LCLAT1: variants seen among roughly 807,000 people sequenced by gnomAD.
The protein encoded by LCLAT1 is lysocardiolipin acyltransferase 1.
In LCLAT1, 11 loss-of-function variants were observed where a neutral mutation model predicts 30.7. The observed-to-expected ratio is 0.36, with a 90% confidence interval of 0.23 to 0.59. The LOEUF (loss-of-function observed/expected upper bound fraction) is 0.59, where lower values mean the gene tolerates loss of function less well. LCLAT1 is among the 20% of genes least tolerant of loss of function. The pLI is 0.77. For missense variants in LCLAT1, 402 were observed against 458.6 expected (o/e 0.88, Z 1.13); for synonymous variants, 155 against 151.3 (o/e 1.02, Z -0.18).
At chr2:30,577,314 C>T (rs1032179578) in intron 5 of LCLAT1, among the ~76,000 whole-genome samples, 1 of 151,870 alleles carries the variant, frequency 6.6e-6, no homozygotes, top group African/African-American at 2.4e-5. Flanking sequence ...AGCAGCCTTC[C>T]CCTAATGAAG....
At chr2:30,558,735 T>C (rs186415872) in intron 3 of LCLAT1, among the ~76,000 whole-genome samples, 45 of 151,674 alleles carry the variant, frequency 3.0e-4, no homozygotes, top group African/African-American at 1.1e-3. Flanking sequence ...GATAGAGCAA[T>C]CTGAACGATC....
intron 3 of LCLAT1, among the ~76,000 whole-genome samples, chr2:30,542,838 A>G (rs1223875891): frequency 3.9e-5 from 6 of 152,090 alleles, no homozygotes; most frequent in Admixed American, 6.5e-5. Flanking sequence ...GTATCCTGCA[A>G]CTTTTCAAAA....
intron 1 of LCLAT1, among the ~76,000 whole-genome samples, chr2:30,450,682 C>T (rs749083005): frequency 6.6e-6 from 1 of 152,148 alleles, no homozygotes; most frequent in Non-Finnish European, 1.5e-5. Context: ...CAGTGCAAAT[C>T]GACTACAAGG....
At chr2:30,567,945 G>T in intron 4 of LCLAT1, 115 bp from the exon 5 acceptor site, 1 of 599,872 alleles carries the variant, frequency 1.7e-6, no homozygotes, top group Admixed American at 3.1e-5. Flanking sequence ...TCAGTATTCA[G>T]TAATTAGAGA....
intron 5 of LCLAT1, among the ~76,000 whole-genome samples, chr2:30,614,904 AAG>A (rs1667920374): frequency 6.6e-6 from 1 of 152,152 alleles, no homozygotes; most frequent in Non-Finnish European, 1.5e-5. Context: ...GGGAAAAGCC[AAG>A]AGAGTAAGGT....
At position 30,541,198 on chromosome 2, in the gene LCLAT1, A is replaced by T. The variant is rs148093603; in HGVS notation, c.364+7884A>T. ...ATCTTTTACATCATCTGGATTTTAT[A>T]GCAAACTTAGCTTTTCCATCATGCT... On this transcript the variant is annotated intron_variant, in intron 3 of 5. Coordinates refer to ENST00000379509, the MANE Select transcript of LCLAT1 (RefSeq NM_001002257.3). 3.8e-4 allele frequency among the ~76,000 whole-genome samples: 58 copies of T among 152,246 alleles called. No individual in the cohort carries two copies. In the East Asian group the frequency reaches 0.01, roughly 27 times the overall value.
intron 1 of LCLAT1, among the ~76,000 whole-genome samples, chr2:30,451,286 T>C (rs538041019): frequency 1.3e-5 from 2 of 152,266 alleles, no homozygotes; most frequent in African/African-American, 2.4e-5. Flanking sequence ...TTGGCAAGGG[T>C]GTAGACCAAC....
At chr2:30,470,155 AC>A (rs1682703172) in intron 1 of LCLAT1, among the ~76,000 whole-genome samples, 1 of 152,112 alleles carries the variant, frequency 6.6e-6, no homozygotes, top group Non-Finnish European at 1.5e-5. Context: ...GGTATGAGTA[AC>A]CCAGGTGGCA....
Position 30,544,367 on chromosome 2 carries a change from T to C in LCLAT1, c.364+11053T>C, listed in dbSNP as rs185519449. Among the ~76,000 whole-genome samples, 611 of 152,344 alleles carry C rather than the reference T, an allele frequency of 4.0e-3. 4 individuals carry two copies. Among genetic ancestry groups the C allele is most frequent in the Non-Finnish European group, 6.8e-3 (464 of 68,016 alleles). On this transcript the variant is annotated intron_variant, in intron 3 of 5. Transcript: ENST00000379509. ...TCCTTTTTAACTATTAAGAGAAAGATTCTTGAAGCATAGGATTTTAGAGTT... is the reference window on the plus strand; with the variant it reads ...TCCTTTTTAACTATTAAGAGAAAGACTCTTGAAGCATAGGATTTTAGAGTT...
At chr2:30,606,110 A>C in intron 5 of LCLAT1, 1 of 997,726 alleles carries the variant, frequency 1.0e-6, no homozygotes, top group Non-Finnish European at 1.4e-6. Flanking sequence ...AAATGGAAAA[A>C]CACTCCATGC....
chr2:30,577,111 A>G (rs1158235063), intron 5 of LCLAT1, among the ~76,000 whole-genome samples: 3 of 145,506 alleles, frequency 2.1e-5, no homozygotes, highest in Non-Finnish European at 4.5e-5. Context: ...ATATTAATAT[A>G]TCATGTAATA....
chr2:30,570,959 G>A (rs1665751649), intron 5 of LCLAT1, among the ~76,000 whole-genome samples: 1 of 152,148 alleles, frequency 6.6e-6, no homozygotes, highest in African/African-American at 2.4e-5. Flanking sequence ...AGGTCATCTA[G>A]TCCAGAGTTC....
intron 3 of LCLAT1, among the ~76,000 whole-genome samples, chr2:30,553,404 G>A (rs4952147): frequency 0.71 from 108,051 of 152,124 alleles, 40,163 homozygotes; most frequent in East Asian, 0.87. Flanking sequence ...GAAAGAAGAT[G>A]GTGGTAGTGG....
chr2:30,540,497 C>T (rs1664081373), intron 3 of LCLAT1, among the ~76,000 whole-genome samples: 1 of 152,090 alleles, frequency 6.6e-6, no homozygotes. Context: ...GAGATATTGT[C>T]CATTTCCATC....
chr2:30,579,129 T>G (rs1666112567), intron 5 of LCLAT1, among the ~76,000 whole-genome samples: 1 of 152,180 alleles, frequency 6.6e-6, no homozygotes, highest in Admixed American at 6.6e-5. Context: ...ATGCCTAGAT[T>G]AGTTTTAATG....
chr2:30,585,151 C>T (rs902947246), intron 5 of LCLAT1, among the ~76,000 whole-genome samples: 1 of 152,118 alleles, frequency 6.6e-6, no homozygotes, highest in Non-Finnish European at 1.5e-5. Context: ...TTCATTAAAA[C>T]ATAGCTGTCT....
chr2:30,637,599 C>G (rs1008727130), intron 5 of LCLAT1, among the ~76,000 whole-genome samples: 2 of 152,052 alleles, frequency 1.3e-5, no homozygotes, highest in Admixed American at 1.3e-4. Context: ...TTTATTGAGA[C>G]GGAGTTTCAC....
intron 4 of LCLAT1, among the ~76,000 whole-genome samples, chr2:30,563,786 C>T (rs963534766): frequency 7.2e-5 from 11 of 152,104 alleles, no homozygotes; most frequent in African/African-American, 2.4e-4. Context: ...GAAAAATAGA[C>T]ATTACATACA....
chr2:30,453,111 A>T (rs558616681), intron 1 of LCLAT1, among the ~76,000 whole-genome samples: 1 of 152,280 alleles, frequency 6.6e-6, no homozygotes, highest in African/African-American at 2.4e-5. Context: ...TTTCCTCTCA[A>T]ATAAGAGACC....
Sources: allele counts gnomAD v4.1 joint callset (sites outside exome capture counted in the v4.1 genomes callset), GRCh38; gene constraint gnomAD v4.1.1; transcripts MANE v1.5; gene names NCBI Gene and HGNC (gene_info 2026-07-23, HGNC 2026-07-21).